Variants in FHIT observed in about 807,000 individuals in gnomAD.
FHIT encodes the protein bis(5'-adenosyl)-triphosphatase.
FHIT carries 19 observed loss-of-function variants against 17.9 expected under a neutral mutation model. The observed-to-expected ratio is 1.06, with a 90% CI of 0.74 to 1.56. The LOEUF (loss-of-function observed/expected upper bound fraction) is 1.56. Ranked by LOEUF, FHIT falls within the 40% of genes most tolerant of loss-of-function variation. The probability of loss-of-function intolerance (pLI) is 0.00; values close to 1 mark genes in which losing one functional copy is unlikely to be tolerated. For synonymous variants in FHIT, 81 were observed against 69.7 expected (o/e 1.16, Z -0.81); for missense variants, 248 against 189.2 (o/e 1.31, Z -1.82).
At chr3:60,875,414 T>G (rs1313032354) in intron 3 of FHIT, among the ~76,000 whole-genome samples, 1 of 152,166 alleles carries the variant, frequency 6.6e-6, no homozygotes, top group East Asian at 1.9e-4. Context: ...AATGCCAAGT[T>G]AGTTCTGTCA....
rs779135827 is a variant in FHIT, at chr3:60,014,240, G to A, written c.104-88C>T. ...CATACCCACAGGATTGAATCCTCTC[G>A]GACCAGGGCCTGAACTCTCAAAGAC... On this transcript the variant is annotated intron_variant, in intron 5 of 9. Coordinates refer to ENST00000492590, the MANE Select transcript of FHIT (RefSeq NM_002012.4). 1.3e-4 allele frequency: 169 copies of A among 1,332,108 alleles called. 1 individual carries two copies. The highest frequency in any genetic ancestry group is 3.3e-4 in the African/African-American group (23 of 68,776). The allele number at this position is 1,332,108 out of a possible 1,614,324, so 82.5% of individuals were successfully genotyped here. A position where few individuals can be genotyped will look rare whatever the true frequency, so the allele number is the denominator to read the frequency against.
intron 5 of FHIT, among the ~76,000 whole-genome samples, chr3:60,277,160 G>A (rs1707184552): frequency 6.6e-6 from 1 of 151,994 alleles, no homozygotes; most frequent in Non-Finnish European, 1.5e-5. Flanking sequence ...TCATATTAAT[G>A]GTCCTAATTT....
intron 5 of FHIT, among the ~76,000 whole-genome samples, chr3:60,492,749 C>T (rs1468567469): frequency 1.3e-5 from 2 of 151,894 alleles, no homozygotes; most frequent in Non-Finnish European, 2.9e-5. Context: ...TCAGGTGATC[C>T]ACCCGCCTCT....
At chr3:60,415,360 T>G (rs1182124900) in intron 5 of FHIT, among the ~76,000 whole-genome samples, 1 of 152,200 alleles carries the variant, frequency 6.6e-6, no homozygotes, top group Non-Finnish European at 1.5e-5. Context: ...AGCCAGAATG[T>G]AAACTGAGGG....
chr3:60,876,977 G>C (rs1448439190), intron 3 of FHIT, among the ~76,000 whole-genome samples: 2 of 152,070 alleles, frequency 1.3e-5, no homozygotes. Flanking sequence ...TTTCCCTATA[G>C]GAAAAAGGCA....
At chr3:60,838,881 A>T (rs1182869095) in intron 3 of FHIT, among the ~76,000 whole-genome samples, 1 of 152,164 alleles carries the variant, frequency 6.6e-6, no homozygotes, top group African/African-American at 2.4e-5. Context: ...TGAGAGAATC[A>T]GTGAAAACTT....
chr3:61,219,281 A>G (rs2039771104), intron 1 of FHIT, among the ~76,000 whole-genome samples: 1 of 152,218 alleles, frequency 6.6e-6, no homozygotes, highest in South Asian at 2.1e-4. Context: ...AAACTAATAC[A>G]AGCAGATTCT....
At chr3:60,287,456 A>T (rs1707778498) in intron 5 of FHIT, among the ~76,000 whole-genome samples, 1 of 152,236 alleles carries the variant, frequency 6.6e-6, no homozygotes, top group South Asian at 2.1e-4. Context: ...GGCATGAGCC[A>T]CCACACCCAG....
At chr3:60,531,924 G>A (rs933902427) in intron 5 of FHIT, among the ~76,000 whole-genome samples, 102 of 152,256 alleles carry the variant, frequency 6.7e-4, no homozygotes, top group African/African-American at 2.4e-3. Flanking sequence ...TTGGAGCACT[G>A]TTTGCATGGT....
chr3:60,994,527 C>G (rs1374256357), intron 3 of FHIT, among the ~76,000 whole-genome samples: 1 of 152,166 alleles, frequency 6.6e-6, no homozygotes, highest in Non-Finnish European at 1.5e-5. Flanking sequence ...CTGCCTCTAA[C>G]CTCAGTTTCT....
intron 5 of FHIT, among the ~76,000 whole-genome samples, chr3:60,283,555 A>G (rs549081758): frequency 5.1e-4 from 77 of 152,284 alleles, no homozygotes; most frequent in African/African-American, 1.6e-3. Context: ...GATTACAAAA[A>G]AAGAATTGAT....
chr3:59,792,099 T>C (rs1357565360), intron 8 of FHIT, among the ~76,000 whole-genome samples: 1 of 146,940 alleles, frequency 6.8e-6, no homozygotes, highest in African/African-American at 2.5e-5. Context: ...GGCTATGGTA[T>C]TCTGTGTCAA....
At chr3:60,773,266 A>G (rs1005623282) in intron 4 of FHIT, among the ~76,000 whole-genome samples, 3 of 152,216 alleles carry the variant, frequency 2.0e-5, no homozygotes, top group Non-Finnish European at 2.9e-5. Context: ...GAAACAGTTA[A>G]AACGCAACAG....
At chr3:60,537,097 G>C in intron 4 of FHIT, 118 bp from the exon 5 acceptor site, 1 of 791,870 alleles carries the variant, frequency 1.3e-6, no homozygotes, top group Non-Finnish European at 1.8e-6. Context: ...GGATGCCATT[G>C]AAATTGTTCC....
At chr3:59,967,512 T>A (rs148831959) in intron 7 of FHIT, among the ~76,000 whole-genome samples, 56 of 152,300 alleles carry the variant, frequency 3.7e-4, no homozygotes, top group African/African-American at 1.3e-3. Context: ...TATAATCTTA[T>A]AGGGCCACCT....
intron 5 of FHIT, among the ~76,000 whole-genome samples, chr3:60,091,678 C>A (rs928569724): frequency 2.0e-5 from 3 of 152,134 alleles, no homozygotes; most frequent in African/African-American, 7.2e-5. Context: ...TGGTTTCGCA[C>A]CATCCCCTTG....
intron 4 of FHIT, among the ~76,000 whole-genome samples, chr3:60,712,372 C>G (rs1291000775): frequency 6.6e-6 from 1 of 152,082 alleles, no homozygotes; most frequent in East Asian, 1.9e-4. Context: ...CATCAACTAA[C>G]AAGCAAAATA....
At chr3:60,229,424 G>GAAAAAA (rs796109235) in intron 5 of FHIT, among the ~76,000 whole-genome samples, 2 of 71,074 alleles carry the variant, frequency 2.8e-5, no homozygotes, top group Admixed American at 1.5e-4. Flanking sequence ...TCATCAAAAA[G>GAAAAAA]AAAAAAAAAA....
intron 3 of FHIT, among the ~76,000 whole-genome samples, chr3:60,906,880 G>A (rs1203418225): frequency 6.6e-6 from 1 of 152,140 alleles, no homozygotes; most frequent in East Asian, 1.9e-4. Flanking sequence ...TAGCAGAAAG[G>A]AAGACCGTGC....
Sources: gnomAD v4.1 joint callset for allele counts (sites outside exome capture counted in the v4.1 genomes callset) on GRCh38, gnomAD v4.1.1 for gene constraint, MANE v1.5 for transcripts, NCBI Gene and HGNC (gene_info 2026-07-23, HGNC 2026-07-21) for gene names.